MAP3K6: variants seen among roughly 807,000 people sequenced by gnomAD.
MAP3K6 encodes the protein apoptosis signal-regulating kinase 2.
A neutral mutation model predicts 147.1 loss-of-function variants in MAP3K6; 105 were observed. That is an observed-to-expected ratio of 0.71 (90% CI 0.61 to 0.84). The LOEUF (loss-of-function observed/expected upper bound fraction) is 0.84. Ranked by LOEUF, MAP3K6 falls within the 40% of genes least tolerant of loss-of-function variation. The pLI is 0.00. For synonymous variants in MAP3K6, 695 were observed against 732.4 expected (o/e 0.95, Z 0.82); for missense variants, 1,569 against 1,715.0 (o/e 0.91, Z 1.50).
Position 27,360,478 on chromosome 1 carries a change from C to CT in MAP3K6, c.2055-111dup. 7.2e-7 allele frequency: 1 copy of CT among 1,393,468 alleles called. No homozygotes were observed. Among genetic ancestry groups the CT allele is most frequent in the Admixed American group, 2.3e-5 (1 of 43,258 alleles). The allele number at this position is 1,393,468 out of a possible 1,614,324, so 86.3% of individuals were successfully genotyped here. ...AGGACCCGCCCCGCCCACAAGCCCT[C>CT]TCCGACCTTCCCCACCCTTACTACC... On this transcript the variant is annotated intron_variant, in intron 15 of 28. Transcript: ENST00000357582. The surrounding 1 kb of genome is among the most constrained non-coding windows in gnomAD (Gnocchi z 4.5).
rs1571066066 is a variant in MAP3K6 at position 27,358,972 on chromosome 1, T to C, written c.2426-106A>G. The C allele has an allele frequency of 6.0e-6, 7 of 1,170,864 alleles. No homozygotes were observed. In the East Asian group the frequency reaches 1.4e-4, roughly 24 times the overall value. The allele number at this position is 1,170,864 out of a possible 1,614,324, so 72.5% of individuals were successfully genotyped here. ...AGGCCGACTGCACCCATACTGAACCTATCATCCAAAATATACCTCAACACC... is the reference window on the plus strand; with the variant it reads ...AGGCCGACTGCACCCATACTGAACCCATCATCCAAAATATACCTCAACACC... On this transcript the variant is annotated intron_variant, in intron 18 of 28. Transcript: ENST00000357582. The surrounding 1 kb of genome is among the most constrained non-coding windows in gnomAD (Gnocchi z 6.2).
chr1:27,363,441 C>T lies in MAP3K6; in HGVS notation c.971+1G>A, dbSNP rs770265680. ...GACCTAACCCTTGCTCTGCCACTCA[C>T]CGGTTGAGGGCAAAAGTGTAGTGGA... is the stretch of plus-strand genomic sequence containing the variant. On this transcript the variant is annotated splice_donor_variant, in intron 6 of 28. Coordinates refer to ENST00000357582, the MANE Select transcript of MAP3K6 (RefSeq NM_004672.5). LOFTEE classifies it high-confidence loss of function. 5.5e-5 allele frequency: 88 copies of T among 1,611,124 alleles called. No individual in the cohort carries two copies. The highest frequency in any genetic ancestry group is 7.4e-5 in the Non-Finnish European group (87 of 1,178,444).
intron 26 of MAP3K6, 29 bp from the exon 27 acceptor site, chr1:27,356,128 C>T (rs371594483): frequency 2.5e-6 from 4 of 1,600,102 alleles, no homozygotes; most frequent in Admixed American, 1.7e-5. Flanking sequence ...GTGATGAGCC[C>T]AAGAGTGCCT....
At position 27,364,981 on chromosome 1, in the gene MAP3K6, C is replaced by T. The variant is rs918570198; in HGVS notation, c.341-69G>A. Reference sequence around the variant, plus strand: ...TGATGGGGAAGGAGCCGGGGTCCATCCTGGCTTGACCTGCCTTGCTGTGGG... The same window carrying T: ...TGATGGGGAAGGAGCCGGGGTCCATTCTGGCTTGACCTGCCTTGCTGTGGG... On this transcript the variant is annotated intron_variant, in intron 1 of 28. Transcript: ENST00000357582. The surrounding 1 kb of genome is among the most constrained non-coding windows in gnomAD (Gnocchi z 4.4). 5.4e-6 allele frequency: 8 copies of T among 1,490,440 alleles called. No homozygotes were observed. In the East Asian group the frequency reaches 6.9e-5, roughly 13 times the overall value. 92.3% of individuals were successfully genotyped at this position (1,490,440 alleles called of 1,614,324 possible). A position where few individuals can be genotyped will look rare whatever the true frequency, so the allele number is the denominator to read the frequency against.
Position 27,360,192 on chromosome 1 carries a change from C to T in MAP3K6, c.2182+49G>A, listed in dbSNP as rs757808473. On this transcript the variant is annotated intron_variant, in intron 16 of 28. Transcript: ENST00000357582. The surrounding 1 kb of genome is among the most constrained non-coding windows in gnomAD (Gnocchi z 4.5). ...GCTCTCTACCCCTGCCTGCCTCGGT[C>T]CCATGCTTCACACCTCGGTTTCATT... The T allele has an allele frequency of 6.2e-7, 1 of 1,608,136 alleles. No individual in the cohort carries two copies. Among genetic ancestry groups the T allele is most frequent in the South Asian group, 1.1e-5 (1 of 90,484 alleles).
Position 27,364,569 on chromosome 1 carries a change from A to C in MAP3K6, c.504+92T>G. The C allele has an allele frequency of 6.3e-7, 1 of 1,584,742 alleles. No individual in the cohort carries two copies. Among genetic ancestry groups the C allele is most frequent in the Non-Finnish European group, 8.7e-7 (1 of 1,153,558 alleles). On this transcript the variant is annotated intron_variant, in intron 3 of 28. Coordinates refer to ENST00000357582, the MANE Select transcript of MAP3K6 (RefSeq NM_004672.5). The surrounding 1 kb of genome is among the most constrained non-coding windows in gnomAD (Gnocchi z 4.4). ...ATACTTGGGATGTCAGTGGGGGGTTAGGTGACTGAGGAGGCCAGGGGGATT... is the reference window on the plus strand; with the variant it reads ...ATACTTGGGATGTCAGTGGGGGGTTCGGTGACTGAGGAGGCCAGGGGGATT...
At position 27,357,816 on chromosome 1, in the gene MAP3K6, GC is replaced by G. The variant is rs1557556559; in HGVS notation, c.2975del (p.Ser992ThrfsTer75). 1 of 1,603,976 alleles carries G rather than the reference GC, an allele frequency of 6.2e-7. No individual in the cohort carries two copies. Among genetic ancestry groups the G allele is most frequent in the Middle Eastern group, 1.7e-4 (1 of 6,022 alleles). Reference protein sequence around the residue: ...PASPEESSGLSLLHQESKRRA... With the variant: ...PASPEESSGLXLLHQESKRRA... ...GACGCTTGCTCTCCTGGTGCAGCAG[GC>G]TCAGCCCCGAACTCTCCTCCGGAGA... On this transcript the variant is annotated frameshift_variant, in exon 22 of 29. Transcript: ENST00000357582. LOFTEE classifies it high-confidence loss of function.
At position 27,358,579 on chromosome 1, in the gene MAP3K6, GGGCATT is replaced by G; in HGVS notation, c.2610_2615del (p.Met871_Pro872del). ...CTTGGGCCTCGGCCGACAGAGAGCT[GGGCATT>G]GGCGGATGGACCTTGTACATACCCA... On this transcript the variant is annotated inframe_deletion, in exon 20 of 29. Coordinates refer to ENST00000357582, the MANE Select transcript of MAP3K6 (RefSeq NM_004672.5). This position sits in a 1 kb window ranked among gnomAD's most constrained non-coding sequence, Gnocchi z 6.2. The G allele has an allele frequency of 6.2e-7, 1 of 1,613,454 alleles. No individual in the cohort carries two copies. Among genetic ancestry groups the G allele is most frequent in the Non-Finnish European group, 8.5e-7 (1 of 1,179,834 alleles).
chr1:27,357,024 C>T lies in MAP3K6; in HGVS notation c.3349G>A (p.Gly1117Ser). ...LLSRAVRAAL[G>S]VLGPEVEKEA... ...CCCCTCCTACCCGGTCCTAGCACAC[C>T]CAGGGCTGCCCGCACAGCACGGCTG... The change falls in exon 24 of 29, where the codon GGT becomes AGT. Residue 1117 changes from glycine (G) to serine (S), a missense_variant. Transcript: ENST00000357582. 1.9e-6 allele frequency: 3 copies of T among 1,613,988 alleles called. No individual in the cohort carries two copies. The highest frequency in any genetic ancestry group is 2.2e-5 in the East Asian group (1 of 44,886).
rs751129386 is a variant in MAP3K6 at position 27,363,494 on chromosome 1, C to G, written c.919G>C (p.Asp307His). ...CAGACATTATGCTGCTCGGCCACAT[C>G]ACAGGTGGGCAAGGCCTGCAGCGTC... Reference protein sequence around the residue: ...VETLQALPTCDVAEQHNVCFH... With the variant: ...VETLQALPTCHVAEQHNVCFH... Residue 307 changes from aspartate (D) to histidine (H), a missense_variant, in exon 6 of 29, where the codon GAT (aspartate) becomes CAT (histidine). Asp to His is a moderately conservative substitution (Grantham distance 81). Transcript: ENST00000357582. 3 of 1,613,818 alleles carry G rather than the reference C, an allele frequency of 1.9e-6. No homozygotes were observed. The highest frequency in any genetic ancestry group is 2.5e-6 in the Non-Finnish European group (3 of 1,179,872).
Position 27,366,267 on chromosome 1 carries a change from A to G in MAP3K6, c.331T>C (p.Tyr111His), listed in dbSNP as rs958646485. The change falls in exon 1 of 29, where the codon TAC (tyrosine) becomes CAC (histidine). Residue 111 changes from tyrosine to histidine, a missense_variant. Physicochemically the swap from Tyr to His is moderately conservative, Grantham distance 83. Coordinates refer to ENST00000357582, the MANE Select transcript of MAP3K6 (RefSeq NM_004672.5). This position sits in a 1 kb window ranked among gnomAD's most constrained non-coding sequence, Gnocchi z 5.5. ...CCCCCAGCGCTCTCACCCGCGTTGTAGAAGGCATCCAGAGCCGCGGTGTCG... is the reference window on the plus strand; with the variant it reads ...CCCCCAGCGCTCTCACCCGCGTTGTGGAAGGCATCCAGAGCCGCGGTGTCG... The part of the protein sequence containing the change: ...LGDTAALDAF[Y>H]NADVVVLEVS... 63 of 1,334,762 alleles carry G rather than the reference A, an allele frequency of 4.7e-5. No homozygotes were observed. Among genetic ancestry groups the G allele is most frequent in the Admixed American group, 7.4e-5 (2 of 27,186 alleles). 82.7% of individuals were successfully genotyped at this position (1,334,762 alleles called of 1,614,324 possible).
At chr1:27,355,642 T>C in intron 28 of MAP3K6, 27 bp downstream of exon 28, 1 of 1,612,574 alleles carries the variant, frequency 6.2e-7, no homozygotes, top group Non-Finnish European at 8.5e-7. Flanking sequence ...ATATGCATGG[T>C]TCACACTTGG....
chr1:27,362,070 A>G, intron 9 of MAP3K6, 21 bp downstream of exon 9: 8 of 1,598,020 alleles, frequency 5.0e-6, no homozygotes, highest in Non-Finnish European at 6.8e-6. Flanking sequence ...TCAGGCCAAG[A>G]ATGCAGAGGG....
intron 28 of MAP3K6, 64 bp downstream of exon 28, chr1:27,355,605 A>G: frequency 1.9e-6 from 3 of 1,596,014 alleles, no homozygotes; most frequent in Non-Finnish European, 1.7e-6. Flanking sequence ...GAACCTAGGC[A>G]GGCCTGCAGT....
Position 27,357,725 on chromosome 1 carries a change from G to A in MAP3K6, c.3067C>T (p.Gln1023Ter). The change falls in exon 22 of 29, where the codon CAG (glutamine) becomes TAG (stop). Residue 1023 changes from glutamine (Q) to a stop codon, truncating the protein, a stop_gained. Transcript: ENST00000357582. LOFTEE classifies it high-confidence loss of function. ...PALAENLHQEQKQEQGARLGR... is the reference protein window; with the variant it reads ...PALAENLHQE ...GGGCCGCCCACCTGCTCTTGCTTCTGCTCCTGGTGCAGATTCTCCGCCAGC... is the reference window on the plus strand; with the variant it reads ...GGGCCGCCCACCTGCTCTTGCTTCTACTCCTGGTGCAGATTCTCCGCCAGC... 1 of 1,611,388 alleles carries A rather than the reference G, an allele frequency of 6.2e-7. No homozygotes were observed. Among genetic ancestry groups the A allele is most frequent in the South Asian group, 1.1e-5 (1 of 91,008 alleles).
Position 27,362,230 on chromosome 1 carries a change from G to A in MAP3K6, c.1276C>T (p.Leu426=). 2 of 1,612,322 alleles carry A rather than the reference G, an allele frequency of 1.2e-6. No individual in the cohort carries two copies. The highest frequency in any genetic ancestry group is 1.7e-6 in the Non-Finnish European group (2 of 1,179,398). ...RLIGMKLGCL[L]ARKGCVEKMQ... is the part of the protein sequence containing the mutation. Reference sequence around the variant, plus strand: ...TTCTCCACGCAGCCTTTGCGGGCCAGCAGGCAGCCCAGCTTCATGCCTGGG... The same window carrying A: ...TTCTCCACGCAGCCTTTGCGGGCCAACAGGCAGCCCAGCTTCATGCCTGGG... Residue 426 remains leucine, a synonymous_variant, in exon 9 of 29, where the codon CTG becomes TTG. Coordinates refer to ENST00000357582, the MANE Select transcript of MAP3K6 (RefSeq NM_004672.5).
At position 27,358,055 on chromosome 1, in the gene MAP3K6, G is replaced by T; in HGVS notation, c.2915+126C>A. ...GTTAGAGTTGCCAGAACAGGGCATG[G>T]GGAGGCACCAAATGCCACATTCACA... On this transcript the variant is annotated intron_variant, in intron 21 of 28. Transcript: ENST00000357582. The surrounding 1 kb of genome is among the most constrained non-coding windows in gnomAD (Gnocchi z 6.2). The T allele has an allele frequency of 6.7e-7, 1 of 1,499,376 alleles. No homozygotes were observed. The highest frequency in any genetic ancestry group is 8.9e-7 in the Non-Finnish European group (1 of 1,123,204). 92.9% of individuals were successfully genotyped at this position (1,499,376 alleles called of 1,614,324 possible).
At position 27,361,736 on chromosome 1, in the gene MAP3K6, T is replaced by G; in HGVS notation, c.1547A>C (p.Lys516Thr). 6.2e-7 allele frequency: 1 copy of G among 1,613,404 alleles called. No individual in the cohort carries two copies. The highest frequency in any genetic ancestry group is 8.5e-7 in the Non-Finnish European group (1 of 1,179,646). ...HFLLQSCQPF[K>T]TACAQGDQCL... ...CTGGTCGCCCTGGGCACAGGCTGTC[T>G]TGAATGGTTGGCAGGACTGTAGCAA... Residue 516 changes from lysine (K) to threonine (T), a missense_variant, in exon 10 of 29, where the codon AAG becomes ACG. Transcript: ENST00000357582.
At chr1:27,356,821 G>T in intron 24 of MAP3K6, 72 bp from the exon 25 acceptor site, 1 of 1,510,188 alleles carries the variant, frequency 6.6e-7, no homozygotes, top group Non-Finnish European at 8.9e-7. Flanking sequence ...CAAAGTGCGG[G>T]GGTAGGGTGC....
Sources: allele counts gnomAD v4.1 joint callset, GRCh38; gene constraint gnomAD v4.1.1; non-coding constraint Gnocchi (gnomAD v3.1); transcripts MANE v1.5; gene names NCBI Gene and HGNC (gene_info 2026-07-23, HGNC 2026-07-21).